Variants in DIAPH2 observed in about 807,000 individuals in gnomAD.
DIAPH2 encodes the protein diaphanous related formin 2.
In DIAPH2, 35 loss-of-function variants were observed where a neutral mutation model predicts 92.7. That is an observed-to-expected ratio of 0.38 (90% CI 0.29 to 0.50). The LOEUF (loss-of-function observed/expected upper bound fraction) is 0.50, where lower values mean the gene tolerates loss of function less well. Among genes scored for constraint, DIAPH2 ranks in the 20% least tolerant of loss-of-function variants. The pLI is 0.94. For missense variants in DIAPH2, 701 were observed against 819.5 expected, an observed-to-expected ratio of 0.86 and a Z score of 1.77; for synonymous variants, 301 against 280.4, an observed-to-expected ratio of 1.07 and a Z score of -0.73.
chrX:97,237,281 A>C (rs1489582486), intron 22 of DIAPH2, among the ~76,000 whole-genome samples: 3 of 111,849 alleles, frequency 2.7e-5, no homozygotes, highest in Non-Finnish European at 3.8e-5. Flanking sequence ...TTCTAGTTCC[A>C]AGGTTAAAGA....
chrX:96,824,070 G>A (rs1298843624), intron 4 of DIAPH2, among the ~76,000 whole-genome samples: 1 of 109,786 alleles, frequency 9.1e-6, no homozygotes, highest in Non-Finnish European at 1.9e-5. Flanking sequence ...GTCACATCTG[G>A]TCTTAAACTT....
intron 4 of DIAPH2, among the ~76,000 whole-genome samples, chrX:96,840,408 G>T (rs1301831389): frequency 1.8e-5 from 2 of 111,383 alleles, no homozygotes; most frequent in African/African-American, 6.5e-5. Flanking sequence ...ATATGATCCT[G>T]ATCAGCCCAT....
chrX:97,257,863 G>C (rs1178807229), intron 23 of DIAPH2, among the ~76,000 whole-genome samples: 1 of 104,233 alleles, frequency 9.6e-6, no homozygotes, highest in African/African-American at 3.7e-5. Context: ...TTGTAAAATA[G>C]AATAACCATT....
intron 26 of DIAPH2, among the ~76,000 whole-genome samples, chrX:97,584,640 C>T (rs2071467461): frequency 9.0e-6 from 1 of 111,285 alleles, no homozygotes; most frequent in African/African-American, 3.3e-5. Context: ...AGACTCCATA[C>T]CAAATGAAAA....
In DIAPH2 at chrX:97,601,150, A is replaced by ACTT. The variant is rs756460820; in HGVS notation, c.*1834_*1836dup. On this transcript the variant is annotated 3_prime_UTR_variant, in exon 27 of 27. Coordinates refer to ENST00000324765, the MANE Select transcript of DIAPH2 (RefSeq NM_006729.5). ...TAAATACCTAGTATGTGTATTTTTG[A>ACTT]CTTTACAAAGTCTTTCTTTTCTGAA... 4 of 111,729 alleles carry ACTT rather than the reference A, an allele frequency of 3.6e-5. No homozygotes were observed. The highest frequency in any genetic ancestry group is 3.7e-4 in the South Asian group (1 of 2,714). 9.2% of individuals were successfully genotyped at this position (111,729 alleles called of 1,213,427 possible). A position where few individuals can be genotyped will look rare whatever the true frequency, so the allele number is the denominator to read the frequency against.
At chrX:97,514,821 C>T (rs922247166) in intron 26 of DIAPH2, among the ~76,000 whole-genome samples, 2 of 110,976 alleles carry the variant, frequency 1.8e-5, no homozygotes, top group Non-Finnish European at 3.8e-5. Flanking sequence ...TTAGGCTGCT[C>T]GGGGGTCAGA....
chrX:97,164,711 T>G (rs750276703), intron 22 of DIAPH2, among the ~76,000 whole-genome samples: 1 of 112,450 alleles, frequency 8.9e-6, no homozygotes, highest in African/African-American at 3.2e-5. Flanking sequence ...CTTTTTTTGG[T>G]GTTCAGAAAT....
chrX:97,249,735 A>G (rs2068172370), intron 23 of DIAPH2, among the ~76,000 whole-genome samples: 1 of 111,555 alleles, frequency 9.0e-6, no homozygotes, highest in Admixed American at 9.6e-5. Context: ...CCTAATATAT[A>G]TATTTTTTAC....
intron 24 of DIAPH2, among the ~76,000 whole-genome samples, chrX:97,368,718 A>G (rs2069407777): frequency 9.1e-6 from 1 of 109,848 alleles, no homozygotes; most frequent in Non-Finnish European, 1.9e-5. Context: ...GATATTGGCT[A>G]TCACATATGC....
intron 26 of DIAPH2, among the ~76,000 whole-genome samples, chrX:97,563,552 A>G (rs930426243): frequency 9.0e-6 from 1 of 111,600 alleles, no homozygotes; most frequent in African/African-American, 3.3e-5. Flanking sequence ...TCAATAAAAA[A>G]ATTAAGGAAA....
At chrX:97,013,345 A>G (rs2066239882) in intron 17 of DIAPH2, among the ~76,000 whole-genome samples, 1 of 111,964 alleles carries the variant, frequency 8.9e-6, no homozygotes, top group African/African-American at 3.2e-5. Flanking sequence ...ACTGACAAGC[A>G]AGAGCAGAGC....
chrX:97,421,280 C>G (rs757657547), intron 25 of DIAPH2, among the ~76,000 whole-genome samples: 186 of 111,910 alleles, frequency 1.7e-3, no homozygotes, highest in African/African-American at 6.0e-3. Flanking sequence ...TTATTATCTC[C>G]TATTGTTTCA....
In DIAPH2 at chrX:96,694,541, A is replaced by G. The variant is rs536455589; in HGVS notation, c.132+9351A>G. On this transcript the variant is annotated intron_variant, in intron 1 of 26. Coordinates refer to ENST00000324765, the MANE Select transcript of DIAPH2 (RefSeq NM_006729.5). ...TTTTTAGTAGAGATGGGGTTTCCCA[A>G]TGTTTCCCAGGCTAGTCTCAAACTC... 1.0e-3 allele frequency among the ~76,000 whole-genome samples: 113 copies of G among 110,941 alleles called. No individual in the cohort carries two copies. In the South Asian group the frequency reaches 0.04, roughly 39 times the overall value.
At chrX:97,122,195 A>G (rs1382267142) in intron 21 of DIAPH2, among the ~76,000 whole-genome samples, 3 of 111,948 alleles carry the variant, frequency 2.7e-5, no homozygotes, top group East Asian at 2.8e-4. Flanking sequence ...GCTCTCTGGC[A>G]TGAAACTTGG....
intron 25 of DIAPH2, among the ~76,000 whole-genome samples, chrX:97,427,290 CTGTTAACTTATCGAATAG>C (rs2070077035): frequency 9.0e-6 from 1 of 111,198 alleles, no homozygotes; most frequent in Non-Finnish European, 1.9e-5. Flanking sequence ...CTAGTGAATC[CTGTTAACTTATCGAATAG>C]TGTTCAAGCC....
At chrX:97,136,835 A>C (rs2067173367) in intron 21 of DIAPH2, among the ~76,000 whole-genome samples, 1 of 110,075 alleles carries the variant, frequency 9.1e-6, no homozygotes, top group Non-Finnish European at 1.9e-5. Context: ...TTTCCTTACA[A>C]TCTCTCTTGA....
intron 21 of DIAPH2, among the ~76,000 whole-genome samples, chrX:97,128,902 A>T: frequency 9.0e-6 from 1 of 111,149 alleles, no homozygotes; most frequent in South Asian, 3.8e-4. Flanking sequence ...CATTTTGTTC[A>T]TCTGTTCATC....
chrX:96,811,102 C>G (rs928053151), intron 4 of DIAPH2, among the ~76,000 whole-genome samples: 4 of 111,641 alleles, frequency 3.6e-5, no homozygotes, highest in African/African-American at 1.3e-4. Context: ...TATAAATTAC[C>G]TTGGGCAGTA....
chrX:96,958,097 G>A lies in DIAPH2; in HGVS notation c.1884G>A (p.Gln628=), dbSNP rs1376004460. ...TTAATCTACCTTATGGAATGAAGCAGAAAAAAATGTATAAACCTGAAGTGT... is the reference window on the plus strand; with the variant it reads ...TTAATCTACCTTATGGAATGAAGCAAAAAAAAATGTATAAACCTGAAGTGT... The part of the protein sequence containing the change: ...ISLNLPYGMK[Q]KKMYKPEVSM... Residue 628 remains glutamine, a synonymous_variant, in exon 16 of 27, where the codon CAG becomes CAA. Coordinates refer to ENST00000324765, the MANE Select transcript of DIAPH2 (RefSeq NM_006729.5). 8.3e-7 allele frequency: 1 copy of A among 1,208,936 alleles called. No individual in the cohort carries two copies. Among genetic ancestry groups the A allele is most frequent in the Admixed American group, 2.2e-5 (1 of 45,406 alleles).
Sources: gnomAD v4.1 joint callset for allele counts (sites outside exome capture counted in the v4.1 genomes callset) on GRCh38, gnomAD v4.1.1 for gene constraint, MANE v1.5 for transcripts, NCBI Gene and HGNC (gene_info 2026-07-23, HGNC 2026-07-21) for gene names.